RPH3A: variants seen among roughly 807,000 people sequenced by gnomAD.
The protein encoded by RPH3A is rabphilin-3A.
RPH3A carries 48 observed loss-of-function variants against 102.2 expected under a neutral mutation model. The ratio of observed to expected loss-of-function variants is 0.47; its 90% CI spans 0.37 to 0.60. RPH3A has a LOEUF of 0.60. Among genes scored for constraint, RPH3A ranks in the 20% least tolerant of loss-of-function variants. The pLI, the probability that RPH3A is intolerant of heterozygous loss-of-function variation, is 0.00. For synonymous variants in RPH3A, 310 were observed against 324.3 expected (o/e 0.96, Z 0.47); for missense variants, 781 against 910.1 (o/e 0.86, Z 1.83).
rs569700433 is a variant in RPH3A at position 112,782,448 on chromosome 12, C to T, written c.-139-9695C>T. On this transcript the variant is annotated intron_variant, in intron 1 of 21. Transcript: ENST00000543106. Reference sequence around the variant, plus strand: ...GGACTGGTGTAATCAGGGAGGTCTCCTTGGAGGAAGTGACCTTTTGGTCTC... The same window carrying T: ...GGACTGGTGTAATCAGGGAGGTCTCTTTGGAGGAAGTGACCTTTTGGTCTC... Among the ~76,000 whole-genome samples the T allele has an allele frequency of 1.2e-3, 178 of 152,304 alleles. 3 individuals carry two copies. The highest frequency in any genetic ancestry group is 4.0e-3 in the African/African-American group (166 of 41,580).
rs140567839 is a variant in RPH3A at position 112,577,684 on chromosome 12, C to A, written c.-140+2365C>A. 6.3e-3 allele frequency among the ~76,000 whole-genome samples: 957 copies of A among 152,034 alleles called. 13 individuals carry two copies. The highest frequency in any genetic ancestry group is 0.022 in the African/African-American group (904 of 41,446). ...AGATGGAGTTGCTCTGGTTCAAATG[C>A]CTCTGACACCATCATGCCCACCTAT... On this transcript the variant is annotated intron_variant, in intron 1 of 21. Transcript: ENST00000543106.
At chr12:112,601,560 A>G (rs2039559949) in intron 1 of RPH3A, among the ~76,000 whole-genome samples, 1 of 152,012 alleles carries the variant, frequency 6.6e-6, no homozygotes, top group Non-Finnish European at 1.5e-5. Flanking sequence ...AAAAAAGTAC[A>G]TATAGACTAT....
At position 112,797,967 on chromosome 12, in the gene RPH3A, C is replaced by T. The variant is rs911287181; in HGVS notation, c.-19+5704C>T. ...GCCTACCGAAGTGCTGGGATTCCAG[C>T]CGTGAGCCACTGCACCCAGCCAAAA... On this transcript the variant is annotated intron_variant, in intron 2 of 21. Coordinates refer to ENST00000389385, the MANE Select transcript of RPH3A (RefSeq NM_001143854.2). 3.9e-5 allele frequency among the ~76,000 whole-genome samples: 6 copies of T among 152,328 alleles called. 1 individual carries two copies. The highest frequency in any genetic ancestry group is 3.9e-4 in the Admixed American group (6 of 15,302).
intron 1 of RPH3A, among the ~76,000 whole-genome samples, chr12:112,660,980 A>G (rs2040044777): frequency 6.6e-6 from 1 of 152,188 alleles, no homozygotes; most frequent in Admixed American, 6.5e-5. Context: ...TCTTTAGAAC[A>G]GGGAAAGGAG....
At position 112,840,144 on chromosome 12, in the gene RPH3A, A is replaced by T. The variant is rs574017735; in HGVS notation, c.83+3642A>T. Among the ~76,000 whole-genome samples the T allele has an allele frequency of 2.2e-4, 33 of 152,274 alleles. No individual in the cohort carries two copies. The East Asian group carries it at 5.4e-3, about 25-fold the overall frequency. ...GCTTTTACTAAAATATTAAATATTA[A>T]TTTTTTCCCCAATGTTTGTCGCTTT... On this transcript the variant is annotated intron_variant, in intron 4 of 21. Transcript: ENST00000389385.
At position 112,727,407 on chromosome 12, in the gene RPH3A, AT is replaced by A. The variant is rs1290348836; in HGVS notation, c.-139-64735del. Among the ~76,000 whole-genome samples the A allele has an allele frequency of 5.3e-4, 68 of 129,054 alleles. No homozygotes were observed. In the South Asian group the frequency reaches 6.2e-3, roughly 12 times the overall value. 84.7% of individuals were successfully genotyped at this position (129,054 alleles called of 152,430 possible). A position where few individuals can be genotyped will look rare whatever the true frequency, so the allele number is the denominator to read the frequency against. On this transcript the variant is annotated intron_variant, in intron 1 of 21. Transcript: ENST00000543106. The stretch of plus-strand genomic sequence containing the variant: ...CTCTGCCTCAAAAAAAAAAAAAAAA[AT>A]ATATATATATATACATACACACACA...
intron 1 of RPH3A, among the ~76,000 whole-genome samples, chr12:112,653,049 T>C (rs2039986553): frequency 6.6e-6 from 1 of 152,188 alleles, no homozygotes; most frequent in Non-Finnish European, 1.5e-5. Flanking sequence ...AGTATTTGTG[T>C]ATCTAAACAT....
intron 1 of RPH3A, among the ~76,000 whole-genome samples, chr12:112,693,972 G>A (rs1358673641): frequency 6.6e-6 from 1 of 152,208 alleles, no homozygotes; most frequent in Non-Finnish European, 1.5e-5. Flanking sequence ...AAGGCCAGGA[G>A]CCTTGCAATG....
intron 1 of RPH3A, among the ~76,000 whole-genome samples, chr12:112,725,274 A>C (rs113953646): frequency 1.1e-4 from 16 of 151,548 alleles, no homozygotes; most frequent in Non-Finnish European, 1.8e-4. Context: ...AAAAAAAAAA[A>C]AAAAACACGT....
At chr12:112,750,077 T>A (rs1003269677) in intron 1 of RPH3A, among the ~76,000 whole-genome samples, 4 of 152,142 alleles carry the variant, frequency 2.6e-5, no homozygotes, top group African/African-American at 9.7e-5. Flanking sequence ...AGGAGATAGC[T>A]TGGAGGTAGA....
intron 1 of RPH3A, 41 bp downstream of exon 1, chr12:112,792,053 T>G (rs1378996368): frequency 1.3e-5 from 2 of 152,152 alleles, no homozygotes; most frequent in Admixed American, 6.5e-5. Context: ...TTAGGGGTAG[T>G]TGATGTGTCT....
intron 1 of RPH3A, among the ~76,000 whole-genome samples, chr12:112,617,036 A>G (rs2039685614): frequency 6.6e-6 from 1 of 152,170 alleles, no homozygotes; most frequent in Admixed American, 6.5e-5. Flanking sequence ...AAAAAATACA[A>G]GAAGACAGTT....
At chr12:112,653,178 G>C (rs2039987685) in intron 1 of RPH3A, among the ~76,000 whole-genome samples, 1 of 151,974 alleles carries the variant, frequency 6.6e-6, no homozygotes, top group African/African-American at 2.4e-5. Context: ...ATCACTTGAG[G>C]TCAGGAGTTC....
intron 1 of RPH3A, among the ~76,000 whole-genome samples, chr12:112,739,146 T>C (rs2040690156): frequency 6.6e-6 from 1 of 152,188 alleles, no homozygotes; most frequent in South Asian, 2.1e-4. Flanking sequence ...TCACATTTCT[T>C]CTCTGCCAAC....
At chr12:112,882,782 C>T (rs1056179120) in intron 15 of RPH3A, among the ~76,000 whole-genome samples, 1 of 152,202 alleles carries the variant, frequency 6.6e-6, no homozygotes, top group Non-Finnish European at 1.5e-5. Context: ...TAATGTGAAT[C>T]ATTTGCATGT....
At chr12:112,789,742 C>T (rs1005286114), upstream of RPH3A, among the ~76,000 whole-genome samples, 6 of 151,556 alleles carry the variant, frequency 4.0e-5, no homozygotes, top group African/African-American at 1.5e-4. Context: ...CATTGTCAAT[C>T]AACACCATCA....
At chr12:112,745,425 G>T (rs1172142519) in intron 1 of RPH3A, among the ~76,000 whole-genome samples, 1 of 152,128 alleles carries the variant, frequency 6.6e-6, no homozygotes, top group African/African-American at 2.4e-5. Flanking sequence ...ATTGGTTTTA[G>T]CATCCTTTGA....
intron 1 of RPH3A, among the ~76,000 whole-genome samples, chr12:112,629,157 T>C (rs561032635): frequency 2.1e-4 from 32 of 152,254 alleles, no homozygotes; most frequent in African/African-American, 6.7e-4. Context: ...GAGACACTTA[T>C]TGATTGGCTC....
At chr12:112,698,718 A>G (rs1030810844) in intron 1 of RPH3A, among the ~76,000 whole-genome samples, 3 of 152,238 alleles carry the variant, frequency 2.0e-5, no homozygotes, top group Admixed American at 6.5e-5. Flanking sequence ...TTAATATCCA[A>G]TGCTGGTGAG....
Sources: allele counts gnomAD v4.1 joint callset (sites outside exome capture counted in the v4.1 genomes callset), GRCh38; gene constraint gnomAD v4.1.1; transcripts MANE v1.5; gene names NCBI Gene and HGNC (gene_info 2026-07-23, HGNC 2026-07-21).